Variants in CD300C observed in about 807,000 individuals in gnomAD.
CD300C encodes the protein CMRF35-like molecule 6.
CD300C carries 11 observed loss-of-function variants against 18.4 expected under a neutral mutation model. That is an observed-to-expected ratio of 0.60 (90% CI 0.38 to 0.99). The LOEUF is 0.99. CD300C is among the 50% of genes least tolerant of loss of function. The pLI, the probability that CD300C is intolerant of heterozygous loss-of-function variation, is 0.01. For missense variants in CD300C, 277 were observed against 287.4 expected, an observed-to-expected ratio of 0.96 and a Z score of 0.26; for synonymous variants, 116 against 116.3, an observed-to-expected ratio of 1.00 and a Z score of 0.02.
At chr17:74,535,190 G>A in the CD300C span, among the ~76,000 whole-genome samples, 27 of 152,006 alleles carry the variant, frequency 1.8e-4, no homozygotes, top group East Asian at 2.7e-3. Context: ...AAAATGGGGC[G>A]GGGCGCGGTG....
At chr17:74,544,193 A>C (rs1423795128) in intron 2 of CD300C, among the ~76,000 whole-genome samples, 1 of 152,140 alleles carries the variant, frequency 6.6e-6, no homozygotes, top group Non-Finnish European at 1.5e-5. Flanking sequence ...AGTTAGACCC[A>C]GGCGGGACAG....
intron 3 of CD300C, among the ~76,000 whole-genome samples, 170 bp from the exon 4 acceptor site, chr17:74,541,906 G>A (rs1416468667): frequency 6.6e-6 from 1 of 152,070 alleles, no homozygotes; most frequent in Admixed American, 6.5e-5. Context: ...CCTCAGCCTC[G>A]GATTTACCCT....
At chr17:74,543,320 G>A (rs944283988) in intron 2 of CD300C, among the ~76,000 whole-genome samples, 1 of 152,250 alleles carries the variant, frequency 6.6e-6, no homozygotes, top group Non-Finnish European at 1.5e-5. Flanking sequence ...TGCGAAGGGT[G>A]ACCCAGAGTG....
In CD300C at chr17:74,546,059, A is replaced by G; in HGVS notation, c.-277T>C. 2.4e-6 allele frequency: 1 copy of G among 418,150 alleles called. No individual in the cohort carries two copies. Among genetic ancestry groups the G allele is most frequent in the South Asian group, 3.0e-5 (1 of 32,894 alleles). The allele number at this position is 418,150 out of a possible 1,614,324, so 25.9% of individuals were successfully genotyped here. A position where few individuals can be genotyped will look rare whatever the true frequency, so the allele number is the denominator to read the frequency against. ...AAAGTCCAGGGTCCCTTGGGTGGCG[A>G]TGCAGCCACTTCCCCACAGCCCACA... On this transcript the variant is annotated 5_prime_UTR_variant, in exon 1 of 4. Coordinates refer to ENST00000330793, the MANE Select transcript of CD300C (RefSeq NM_006678.5).
rs1344956360 is a variant in CD300C, at chr17:74,544,926, G to A, written c.83C>T (p.Pro28Leu). Residue 28 changes from proline (P) to leucine (L), a missense_variant, in exon 2 of 4, where the codon CCC becomes CTC. By Grantham distance (98) the Pro-to-Leu change is moderately conservative. Coordinates refer to ENST00000330793, the MANE Select transcript of CD300C (RefSeq NM_006678.5). ...LVPGYFPLSHPMTVAGPVGGS... is the reference protein window; with the variant it reads ...LVPGYFPLSHLMTVAGPVGGS... ...CCCCACGGGGCCCGCCACGGTCATG[G>A]GGTGGCTCAGAGGAAAATAGCCTGA... is the stretch of plus-strand genomic sequence containing the variant. 1.2e-6 allele frequency: 2 copies of A among 1,612,088 alleles called. No individual in the cohort carries two copies. The highest frequency in any genetic ancestry group is 1.3e-5 in the African/African-American group (1 of 74,890).
chr17:74,534,951 A>G, the CD300C span, among the ~76,000 whole-genome samples: 1 of 152,326 alleles, frequency 6.6e-6, no homozygotes, highest in Admixed American at 6.5e-5. Context: ...TTGATTCAAC[A>G]CTTTGATTAG....
At chr17:74,539,681 G>A (rs1052763914), downstream of CD300C, among the ~76,000 whole-genome samples, 1 of 152,080 alleles carries the variant, frequency 6.6e-6, no homozygotes, top group Non-Finnish European at 1.5e-5. Context: ...CCACCCTCCC[G>A]ACTCGGGTCT....
downstream of CD300C, among the ~76,000 whole-genome samples, chr17:74,537,036 G>A (rs560261185): frequency 6.7e-6 from 1 of 148,948 alleles, no homozygotes; most frequent in Non-Finnish European, 1.5e-5. Context: ...AGGAAAAAAA[G>A]AGGGAGGAAA....
At chr17:74,536,101 A>C (rs973161435), downstream of CD300C, among the ~76,000 whole-genome samples, 1 of 152,202 alleles carries the variant, frequency 6.6e-6, no homozygotes, top group African/African-American at 2.4e-5. Context: ...AAATTTTAGA[A>C]GAAGATATAG....
At chr17:74,543,068 C>A (rs559353838) in intron 2 of CD300C, 81 bp from the exon 3 acceptor site, 2 of 1,561,134 alleles carry the variant, frequency 1.3e-6, no homozygotes, top group South Asian at 2.2e-5. Flanking sequence ...CCAATTTTCA[C>A]AGACAAGGTC....
At chr17:74,538,730 T>A (rs1908452450), downstream of CD300C, among the ~76,000 whole-genome samples, 1 of 152,226 alleles carries the variant, frequency 6.6e-6, no homozygotes, top group Admixed American at 6.5e-5. Context: ...AACCTGGATA[T>A]CTGTCGAATG....
At position 74,542,985 on chromosome 17, in the gene CD300C, C is replaced by A; in HGVS notation, c.403G>T (p.Gly135Trp). The A allele has an allele frequency of 6.2e-7, 1 of 1,613,460 alleles. No individual in the cohort carries two copies. The highest frequency in any genetic ancestry group is 8.5e-7 in the Non-Finnish European group (1 of 1,180,004). The change falls in exon 3 of 4, where the codon GGG becomes TGG. Residue 135 changes from glycine to tryptophan, a missense_variant and splice_region_variant. Gly to Trp is a radical substitution (Grantham distance 184). Coordinates refer to ENST00000330793, the MANE Select transcript of CD300C (RefSeq NM_006678.5). ...TGGGGGCTGGAGGCTGTGGTCGTCC[C>A]GGCTGTGGGTGAAACACAGGTCAAC... Reference protein sequence around the residue: ...VEVEVSVFPAGTTTASSPQSS... With the variant: ...VEVEVSVFPAWTTTASSPQSS...
At chr17:74,543,738 T>C (rs369318340) in intron 2 of CD300C, among the ~76,000 whole-genome samples, 3 of 152,016 alleles carry the variant, frequency 2.0e-5, no homozygotes, top group Admixed American at 6.6e-5. Context: ...AAGAAAACGA[T>C]GGAAAAGCAA....
downstream of CD300C, among the ~76,000 whole-genome samples, chr17:74,538,029 A>G (rs1474897840): frequency 6.6e-6 from 1 of 152,228 alleles, no homozygotes; most frequent in East Asian, 1.9e-4. Context: ...CTTCATGAGT[A>G]TGAATGATGT....
chr17:74,542,739 A>G, intron 3 of CD300C, 122 bp downstream of exon 3: 1 of 1,179,632 alleles, frequency 8.5e-7, no homozygotes, highest in Non-Finnish European at 1.2e-6. Context: ...TAGAACCTTC[A>G]CGTTTGGTGT....
intron 3 of CD300C, 91 bp downstream of exon 3, chr17:74,542,770 G>A (rs1015291341): frequency 7.0e-7 from 1 of 1,426,026 alleles, no homozygotes; most frequent in Non-Finnish European, 9.5e-7. Context: ...AACAAAGAAG[G>A]GACTGGAAGA....
intron 1 of CD300C, among the ~76,000 whole-genome samples, chr17:74,545,426 G>T (rs1312273414): frequency 6.6e-6 from 1 of 152,126 alleles, no homozygotes; most frequent in Non-Finnish European, 1.5e-5. Flanking sequence ...GTGACTGTGT[G>T]TGTGATCGTC....
downstream of CD300C, among the ~76,000 whole-genome samples, chr17:74,537,485 C>T (rs148419082): frequency 3.9e-5 from 6 of 152,038 alleles, no homozygotes; most frequent in African/African-American, 1.2e-4. Context: ...AAAATTTAGC[C>T]GGACATGGTG....
At chr17:74,538,100 G>A, downstream of CD300C, among the ~76,000 whole-genome samples, 1 of 152,188 alleles carries the variant, frequency 6.6e-6, no homozygotes, top group East Asian at 1.9e-4. Flanking sequence ...GGTGTAAAGT[G>A]CATGTATTCT....
Sources: allele counts gnomAD v4.1 joint callset (sites outside exome capture counted in the v4.1 genomes callset), GRCh38; gene constraint gnomAD v4.1.1; transcripts MANE v1.5; gene names NCBI Gene and HGNC (gene_info 2026-07-23, HGNC 2026-07-21).